RHBDD1: variants seen among roughly 807,000 people sequenced by gnomAD.
The protein encoded by RHBDD1 is rhomboid-related protein 4.
In RHBDD1, 38 loss-of-function variants were observed where a neutral mutation model predicts 36.3. The observed-to-expected ratio is 1.05, with a 90% CI of 0.81 to 1.37. The LOEUF is 1.37. Ranked by LOEUF, RHBDD1 falls within the 40% of genes most tolerant of loss-of-function variation. The pLI, the probability that RHBDD1 is intolerant of heterozygous loss-of-function variation, is 0.00. For missense variants in RHBDD1, 393 were observed against 377.6 expected (o/e 1.04, Z -0.34); for synonymous variants, 151 against 136.5 (o/e 1.11, Z -0.74).
chr2:226,868,930 T>C (rs1038339322), intron 5 of RHBDD1, among the ~76,000 whole-genome samples: 5 of 152,214 alleles, frequency 3.3e-5, no homozygotes, highest in South Asian at 4.1e-4. Flanking sequence ...CTATACCTTG[T>C]CACTCACTGC....
the RHBDD1 span, among the ~76,000 whole-genome samples, chr2:226,801,757 G>A: frequency 6.6e-6 from 1 of 152,160 alleles, no homozygotes; most frequent in African/African-American, 2.4e-5. Context: ...GGGTAGGGCA[G>A]GGAGGTGCAG....
At chr2:226,848,607 A>C (rs1454717119) in intron 3 of RHBDD1, among the ~76,000 whole-genome samples, 1 of 152,222 alleles carries the variant, frequency 6.6e-6, no homozygotes, top group Non-Finnish European at 1.5e-5. Flanking sequence ...TGAAAGGCTC[A>C]TGTAAAGAAT....
At chr2:226,854,601 G>GAAAAAAAAAA (rs34985443) in intron 3 of RHBDD1, among the ~76,000 whole-genome samples, 2 of 83,680 alleles carry the variant, frequency 2.4e-5, no homozygotes, top group African/African-American at 8.1e-5. Context: ...ACTCTGTTTC[G>GAAAAAAAAAA]AAAAAAAAAA....
intron 5 of RHBDD1, among the ~76,000 whole-genome samples, chr2:226,900,409 G>A (rs1947490843): frequency 6.6e-6 from 1 of 152,084 alleles, no homozygotes; most frequent in African/African-American, 2.4e-5. Flanking sequence ...GTAGCTAAAG[G>A]CAGCAGTGGT....
At chr2:226,880,469 T>G (rs1945626664) in intron 5 of RHBDD1, among the ~76,000 whole-genome samples, 1 of 152,218 alleles carries the variant, frequency 6.6e-6, no homozygotes, top group South Asian at 2.1e-4. Flanking sequence ...AAAACAATGA[T>G]TCCCTTGAGT....
intron 5 of RHBDD1, among the ~76,000 whole-genome samples, chr2:226,885,879 A>G (rs752421608): frequency 1.3e-5 from 2 of 152,202 alleles, no homozygotes; most frequent in Admixed American, 6.5e-5. Context: ...GGTTTTTTCA[A>G]TCCGATAACC....
intron 8 of RHBDD1, among the ~76,000 whole-genome samples, chr2:226,993,894 G>A (rs1169176087): frequency 1.3e-5 from 2 of 152,146 alleles, no homozygotes; most frequent in East Asian, 1.9e-4. Flanking sequence ...ATGCATAGAT[G>A]GACACATCTT....
At chr2:226,812,647 C>CTTTTTT in the RHBDD1 span, among the ~76,000 whole-genome samples, 2 of 150,398 alleles carry the variant, frequency 1.3e-5, no homozygotes, top group African/African-American at 4.9e-5. Flanking sequence ...CTCTCTCTCT[C>CTTTTTT]TTTTTTTTTG....
intron 8 of RHBDD1, among the ~76,000 whole-genome samples, chr2:226,962,400 G>A (rs892101919): frequency 6.6e-6 from 1 of 152,202 alleles, no homozygotes; most frequent in Non-Finnish European, 1.5e-5. Flanking sequence ...GCATATTCAT[G>A]TGTTGACAGT....
At chr2:226,948,034 A>C (rs1420194070) in intron 8 of RHBDD1, among the ~76,000 whole-genome samples, 4 of 152,112 alleles carry the variant, frequency 2.6e-5, no homozygotes, top group Non-Finnish European at 5.9e-5. Context: ...CTAGAACTAG[A>C]AATACCATTT....
intron 8 of RHBDD1, among the ~76,000 whole-genome samples, chr2:226,990,181 T>G (rs1957866741): frequency 6.6e-6 from 1 of 152,220 alleles, no homozygotes; most frequent in African/African-American, 2.4e-5. Flanking sequence ...CTTGCTAAAT[T>G]GTTAGACCTG....
intron 8 of RHBDD1, 183 bp downstream of exon 8, chr2:226,914,534 G>A (rs1233360698): frequency 1.0e-5 from 6 of 582,512 alleles, no homozygotes; most frequent in Non-Finnish European, 1.7e-5. Flanking sequence ...AGCAACCTAA[G>A]CTAATAAGGT....
At chr2:226,942,503 TGCTGGGATTACAGGCGTGA>T (rs1950730772) in intron 8 of RHBDD1, 1 of 343,512 alleles carries the variant, frequency 2.9e-6, no homozygotes, top group Non-Finnish European at 5.7e-6. Context: ...CCTCCCAGAG[TGCTGGGATTACAGGCGTGA>T]GCCACCGTGC....
chr2:226,914,340 T>G lies in RHBDD1; in HGVS notation c.845T>G (p.Leu282Arg). The change falls in exon 8 of 9, where the codon CTC (leucine) becomes CGC (arginine). Residue 282 changes from leucine (L) to arginine (R), a missense_variant. Leu to Arg is a moderately radical substitution (Grantham distance 102, BLOSUM62 -2). Transcript: ENST00000392062. ...EQLERALQAS[L>R]WDRGNTRNSP... The stretch of plus-strand genomic sequence containing the variant: ...CTCGAGAGAGCATTACAAGCCAGCC[T>G]CTGGGACCGAGGTAGGAGTCTTGCG... The G allele has an allele frequency of 6.2e-7, 1 of 1,613,254 alleles. No individual in the cohort carries two copies. Among genetic ancestry groups the G allele is most frequent in the Non-Finnish European group, 8.5e-7 (1 of 1,179,550 alleles).
At chr2:226,934,093 T>G (rs78526748) in intron 8 of RHBDD1, among the ~76,000 whole-genome samples, 2,217 of 152,246 alleles carry the variant, frequency 0.015, 43 homozygotes, top group African/African-American at 0.051. Flanking sequence ...TTTATAGTCA[T>G]GCATTACATA....
chr2:226,853,403 G>A (rs1298959870), intron 3 of RHBDD1, among the ~76,000 whole-genome samples: 5 of 152,214 alleles, frequency 3.3e-5, no homozygotes, highest in Non-Finnish European at 7.3e-5. Flanking sequence ...ACATGCTGTG[G>A]AAGTGCAGAA....
At chr2:226,827,055 C>T in the RHBDD1 span, among the ~76,000 whole-genome samples, 1 of 152,238 alleles carries the variant, frequency 6.6e-6, no homozygotes, top group African/African-American at 2.4e-5. Flanking sequence ...GCCTCCTGGG[C>T]TCAAGCAATT....
At chr2:226,993,346 C>G (rs1958694745) in intron 8 of RHBDD1, among the ~76,000 whole-genome samples, 1 of 152,198 alleles carries the variant, frequency 6.6e-6, no homozygotes, top group Admixed American at 6.5e-5. Context: ...ACTCTGCCCT[C>G]AGCTAGTTCT....
chr2:226,983,990 A>G (rs2149470642), intron 8 of RHBDD1, among the ~76,000 whole-genome samples: 1 of 152,342 alleles, frequency 6.6e-6, no homozygotes, highest in Admixed American at 6.5e-5. Context: ...CCCTGCTCGT[A>G]TAGGAGGGTG....
Sources: allele counts gnomAD v4.1 joint callset (sites outside exome capture counted in the v4.1 genomes callset), GRCh38; gene constraint gnomAD v4.1.1; transcripts MANE v1.5; gene names NCBI Gene and HGNC (gene_info 2026-07-23, HGNC 2026-07-21).